SIDT2: variants seen among roughly 807,000 people sequenced by gnomAD.
SIDT2 encodes the protein SID1 transmembrane family, member 2.
SIDT2 carries 68 observed loss-of-function variants against 114.4 expected under a neutral mutation model. The observed-to-expected ratio is 0.59, with a 90% CI of 0.49 to 0.73. The LOEUF (loss-of-function observed/expected upper bound fraction) is 0.73, where lower values mean the gene tolerates loss of function less well. Among genes scored for constraint, SIDT2 ranks in the 30% least tolerant of loss-of-function variants. The pLI is 0.00. For synonymous variants in SIDT2, 470 were observed against 438.4 expected, an observed-to-expected ratio of 1.07 and a Z score of -0.90; for missense variants, 918 against 1,097.1, an observed-to-expected ratio of 0.84 and a Z score of 2.31.
intron 1 of SIDT2, 146 bp from the exon 2 acceptor site, chr11:117,181,267 CAGA>C (rs2030272530): frequency 7.2e-6 from 8 of 1,110,898 alleles, no homozygotes; most frequent in Admixed American, 6.8e-5. Flanking sequence ...GTTGTTCTGG[CAGA>C]AGAAGAGGCA....
rs377309219 is a variant in SIDT2, at chr11:117,191,999, C to T, written c.1857C>T (p.Phe619=). 4.3e-6 allele frequency: 7 copies of T among 1,614,060 alleles called. No homozygotes were observed. The African/African-American group carries it at 9.3e-5, about 22-fold the overall frequency. Residue 619 remains phenylalanine (F), a synonymous_variant, in exon 19 of 26, where the codon TTC becomes TTT. Transcript: ENST00000324225. ...CCTGCCTGGCCATTGTCATCTTCTTCTCTGTGCTGGGCGTGGTGAGGGCCT... is the reference window on the plus strand; with the variant it reads ...CCTGCCTGGCCATTGTCATCTTCTTTTCTGTGCTGGGCGTGGTGAGGGCCT... ...AYACLAIVIF[F]SVLGVVFGKG... is the part of the protein sequence containing the mutation.
chr11:117,189,791 A>G (rs1217058187), intron 15 of SIDT2, 161 bp from the exon 16 acceptor site: 3 of 667,686 alleles, frequency 4.5e-6, no homozygotes, highest in South Asian at 1.7e-5. Flanking sequence ...GCTGCATGGC[A>G]TCCATGTTCT....
chr11:117,185,898 A>G (rs1229585318), intron 8 of SIDT2: 2 of 372,988 alleles, frequency 5.4e-6, no homozygotes, highest in Non-Finnish European at 9.7e-6. Context: ...AAAAAAAAGT[A>G]GAAGAGAAAG....
rs1177354379 is a variant in SIDT2, at chr11:117,186,600, C to G, written c.979C>G (p.Leu327Val). The G allele has an allele frequency of 6.4e-7, 1 of 1,571,224 alleles. No individual in the cohort carries two copies. Among genetic ancestry groups the G allele is most frequent in the South Asian group, 1.2e-5 (1 of 82,670 alleles). ...TCCATGCAGGCAGAAGAAGAAGACCCTGCTGGTGGCCATTGACCGAGCCTG... is the reference window on the plus strand; with the variant it reads ...TCCATGCAGGCAGAAGAAGAAGACCGTGCTGGTGGCCATTGACCGAGCCTG... ...WENWRQKKKT[L>V]LVAIDRACPE... Residue 327 changes from leucine to valine, a missense_variant, in exon 10 of 26, where the codon CTG becomes GTG. By Grantham distance (32) the Leu-to-Val change is conservative. Transcript: ENST00000324225.
Position 117,186,229 on chromosome 11 carries a change from G to A in SIDT2, c.962+6G>A. On this transcript the variant is annotated splice_donor_region_variant and intron_variant, in intron 9 of 25. Coordinates refer to ENST00000324225, the MANE Select transcript of SIDT2 (RefSeq NM_001040455.2). ...GCCTGCTGGGAGAACTGGAGGTAAA[G>A]TGGAACTGCTGGGCCTCCCCTGGTC... The A allele has an allele frequency of 1.2e-6, 2 of 1,613,912 alleles. No individual in the cohort carries two copies. Among genetic ancestry groups the A allele is most frequent in the African/African-American group, 1.3e-5 (1 of 75,032 alleles).
At position 117,182,717 on chromosome 11, in the gene SIDT2, C is replaced by T. The variant is rs2046150; in HGVS notation, c.619-6C>T. 6 of 1,614,108 alleles carry T rather than the reference C, an allele frequency of 3.7e-6. No homozygotes were observed. In the South Asian group the frequency reaches 4.4e-5, roughly 12 times the overall value. On this transcript the variant is annotated splice_region_variant and splice_polypyrimidine_tract_variant and intron_variant, in intron 5 of 25. Coordinates refer to ENST00000324225, the MANE Select transcript of SIDT2 (RefSeq NM_001040455.2). ...CCATCCATCTGCCTCTCCCGCCCCT[C>T]TGCAGTGTCCTGTCTATGACCTGGA...
At chr11:117,186,679 G>A (rs554490664) in intron 10 of SIDT2, 43 bp downstream of exon 10, 1 of 1,519,296 alleles carries the variant, frequency 6.6e-7, no homozygotes, top group Admixed American at 2.2e-5. Context: ...AGTGTGCTTT[G>A]TGTTTTGGGG....
rs1398758221 is a variant in SIDT2 at position 117,190,168 on chromosome 11, C to T, written c.1496C>T (p.Ala499Val). The T allele has an allele frequency of 6.3e-7, 1 of 1,582,574 alleles. No individual in the cohort carries two copies. Among genetic ancestry groups the T allele is most frequent in the East Asian group, 2.2e-5 (1 of 44,628 alleles). ...CTGCCTTGTGTTGCCCCTTCTAGCG[C>T]CTTCAACAACATCCTCAGCAACCTG... ...LCAHPLGNLSAFNNILSNLGY... is the reference protein window; with the variant it reads ...LCAHPLGNLSVFNNILSNLGY... Residue 499 changes from alanine to valine, a missense_variant and splice_region_variant, in exon 17 of 26, where the codon GCC (alanine) becomes GTC (valine). Physicochemically the swap from Ala to Val is moderately conservative, Grantham distance 64. This residue lies in a region of SIDT2 where 72 missense variants were observed against 59.9 expected (regional missense o/e 1.20). Transcript: ENST00000324225. The surrounding 1 kb of genome is among the most constrained non-coding windows in gnomAD (Gnocchi z 4.1).
In SIDT2 at chr11:117,188,419, T is replaced by G; in HGVS notation, c.1160-289T>G. On this transcript the variant is annotated intron_variant, in intron 12 of 25. Coordinates refer to ENST00000324225, the MANE Select transcript of SIDT2 (RefSeq NM_001040455.2). The surrounding 1 kb of genome is among the most constrained non-coding windows in gnomAD (Gnocchi z 4.0). ...TGTCTGCTGCCTGGGGTCTGCCTTG[T>G]GTCCTGGCCTGGGAAGCCCTAGCCC... is the stretch of plus-strand genomic sequence containing the variant. 2.1e-6 allele frequency: 1 copy of G among 483,880 alleles called. No individual in the cohort carries two copies. Among genetic ancestry groups the G allele is most frequent in the East Asian group, 3.5e-5 (1 of 28,314 alleles). The allele number at this position is 483,880 out of a possible 1,614,324, so 30.0% of individuals were successfully genotyped here.
Position 117,195,924 on chromosome 11 carries a change from GCCTCCC to G in SIDT2, c.2436+10_2436+15del, listed in dbSNP as rs760144304. 6.2e-7 allele frequency: 1 copy of G among 1,614,034 alleles called. No homozygotes were observed. The highest frequency in any genetic ancestry group is 8.5e-7 in the Non-Finnish European group (1 of 1,180,022). On this transcript the variant is annotated intron_variant, in intron 25 of 25. Coordinates refer to ENST00000324225, the MANE Select transcript of SIDT2 (RefSeq NM_001040455.2). ...TGTTCGGGTCCTTCCTGGTAAGCGG[GCCTCCC>G]GGCCGAGCCGGGTGGGTACGTGAAG...
chr11:117,189,702 G>C, intron 15 of SIDT2: 1 of 598,874 alleles, frequency 1.7e-6, no homozygotes, highest in Non-Finnish European at 3.0e-6. Context: ...CCTTTTCTCT[G>C]TCCCGTGGGG....
intron 23 of SIDT2, 65 bp from the exon 24 acceptor site, chr11:117,193,788 G>C: frequency 8.3e-7 from 1 of 1,197,752 alleles, no homozygotes; most frequent in Admixed American, 1.7e-5. Context: ...GGAAAGGCTG[G>C]GTGGGACAGC....
chr11:117,189,030 G>A (rs533193487), intron 13 of SIDT2, 139 bp from the exon 14 acceptor site: 22 of 1,020,546 alleles, frequency 2.2e-5, no homozygotes, highest in African/African-American at 1.9e-4. Context: ...CTAAGCGGCC[G>A]CAGCAGTGGG....
At chr11:117,186,852 T>A (rs1472497529) in intron 10 of SIDT2, 1 of 1,101,662 alleles carries the variant, frequency 9.1e-7, no homozygotes, top group African/African-American at 1.5e-5. Context: ...CTTGGTTTAT[T>A]CCATGTCTAG....
chr11:117,191,566 A>G (rs1435561653), intron 18 of SIDT2: 2 of 319,714 alleles, frequency 6.3e-6, no homozygotes, highest in Non-Finnish European at 1.2e-5. Context: ...CCTGGGCGAC[A>G]GAGTGAGACT....
chr11:117,195,679 A>G, intron 24 of SIDT2, 123 bp from the exon 25 acceptor site: 2 of 939,044 alleles, frequency 2.1e-6, no homozygotes, highest in Non-Finnish European at 3.4e-6. Context: ...GGGACAGGTC[A>G]GAATTGCTGC....
intron 12 of SIDT2, 114 bp downstream of exon 12, chr11:117,187,813 C>CTGTGTGGTGCAGGACGGTGT: frequency 1.0e-6 from 1 of 988,124 alleles, no homozygotes; most frequent in Non-Finnish European, 1.6e-6. Context: ...GAAGGGCCTG[C>CTGTGTGGTGCAGGACGGTGT]TGTCTTCCTA....
At chr11:117,182,023 CG>C in intron 3 of SIDT2, 36 bp from the exon 4 acceptor site, 1 of 1,613,980 alleles carries the variant, frequency 6.2e-7, no homozygotes, top group East Asian at 2.2e-5. Context: ...CCCCAGGCTC[CG>C]GGGGTGACTG....
At chr11:117,184,693 C>T (rs1466727583) in intron 8 of SIDT2, among the ~76,000 whole-genome samples, 1 of 152,028 alleles carries the variant, frequency 6.6e-6, no homozygotes, top group Admixed American at 6.6e-5. Flanking sequence ...TAAATGGGGC[C>T]CTAAGGGACT....
Sources: gnomAD v4.1 joint callset for allele counts (sites outside exome capture counted in the v4.1 genomes callset) on GRCh38, gnomAD v4.1.1 for gene constraint, gnomAD v4.1.1 regional missense constraint, Gnocchi (gnomAD v3.1) non-coding constraint, MANE v1.5 for transcripts, NCBI Gene and HGNC (gene_info 2026-07-23, HGNC 2026-07-21) for gene names.